Variants in DZIP3 observed in about 807,000 individuals in gnomAD.
The protein encoded by DZIP3 is DAZ interacting zinc finger protein 3.
DZIP3 carries 118 observed loss-of-function variants against 162.0 expected under a neutral mutation model. The ratio of observed to expected loss-of-function variants is 0.73; its 90% CI spans 0.63 to 0.85. DZIP3 has a LOEUF of 0.85. DZIP3 is among the 40% of genes least tolerant of loss of function. DZIP3 has a pLI of 0.00. For synonymous variants in DZIP3, 438 were observed against 458.6 expected, an observed-to-expected ratio of 0.96 and a Z score of 0.57; for missense variants, 1,331 against 1,407.0, an observed-to-expected ratio of 0.95 and a Z score of 0.86.
At chr3:108,648,180 G>A (rs1418680732) in intron 16 of DZIP3, 68 bp downstream of exon 16, 2 of 1,398,042 alleles carry the variant, frequency 1.4e-6, no homozygotes, top group Admixed American at 2.5e-5. Context: ...TGCATGTGCT[G>A]TACTTAAAGC....
chr3:108,592,243 G>A (rs908169840), intron 1 of DZIP3, among the ~76,000 whole-genome samples: 1 of 152,100 alleles, frequency 6.6e-6, no homozygotes, highest in South Asian at 2.1e-4. Context: ...TACAAAATAG[G>A]TGACAAATTC....
intron 19 of DZIP3, among the ~76,000 whole-genome samples, chr3:108,660,995 G>C (rs887473534): frequency 3.3e-5 from 5 of 152,200 alleles, no homozygotes; most frequent in Non-Finnish European, 5.9e-5. Context: ...ACAGGTGCTG[G>C]AGAGGATATG....
chr3:108,643,427 T>A (rs942614036), intron 13 of DZIP3, among the ~76,000 whole-genome samples: 10 of 152,166 alleles, frequency 6.6e-5, no homozygotes, highest in South Asian at 4.1e-4. Context: ...TATACATATA[T>A]TTGAAATATC....
intron 24 of DZIP3, 92 bp from the exon 25 acceptor site, chr3:108,675,694 A>G: frequency 9.3e-7 from 1 of 1,076,820 alleles, no homozygotes; most frequent in South Asian, 1.8e-5. Context: ...TTTTTTGTTG[A>G]CATATATGCT....
upstream of DZIP3, chr3:108,589,609 C>T (rs1015332973): frequency 1.5e-5 from 6 of 393,338 alleles, no homozygotes; most frequent in Non-Finnish European, 2.8e-5. Flanking sequence ...GAGCTGCCCC[C>T]GCTAACCCAC....
Position 108,634,903 on chromosome 3 carries a change from C to A in DZIP3, c.849C>A (p.Cys283Ter). The A allele has an allele frequency of 6.2e-7, 1 of 1,608,224 alleles. No homozygotes were observed. The highest frequency in any genetic ancestry group is 1.1e-5 in the South Asian group (1 of 90,152). ...GFFQLMCSKSCCVYFHKICWK... is the reference protein window; with the variant it reads ...GFFQLMCSKS ...TTCAGTTAATGTGCAGTAAAAGTTG[C>A]TGTGTTTATTTCCATAAAATTTGCT... Residue 283 changes from cysteine to a stop codon, truncating the protein, a stop_gained, in exon 10 of 33, where the codon TGC becomes TGA. Transcript: ENST00000361582. LOFTEE classifies it high-confidence loss of function.
intron 21 of DZIP3, among the ~76,000 whole-genome samples, chr3:108,662,547 G>T (rs2107304128): frequency 6.6e-6 from 1 of 152,274 alleles, no homozygotes; most frequent in South Asian, 2.1e-4. Flanking sequence ...ACTCTAATTT[G>T]TAAAAATGTG....
intron 7 of DZIP3, among the ~76,000 whole-genome samples, chr3:108,626,984 G>A (rs145644337): frequency 5.4e-4 from 82 of 152,296 alleles, no homozygotes; most frequent in African/African-American, 1.8e-3. Flanking sequence ...CTGATTCTTT[G>A]TAAGGTTGAT....
rs1431087158 is a variant in DZIP3, at chr3:108,648,956, TA to T, written c.2006del (p.Lys669ArgfsTer14). 3.4e-6 allele frequency: 4 copies of T among 1,163,130 alleles called. No homozygotes were observed. Among genetic ancestry groups the T allele is most frequent in the Non-Finnish European group, 4.6e-6 (4 of 875,640 alleles). 72.1% of individuals were successfully genotyped at this position (1,163,130 alleles called of 1,614,324 possible). Reference sequence around the variant, plus strand: ...AAAGGAAAAAGAAGAAGACTAAGAATAAAAAGGTAAGAGACTATAATAGCAT... The same window carrying T: ...AAAGGAAAAAGAAGAAGACTAAGAATAAAAGGTAAGAGACTATAATAGCAT... The part of the protein sequence containing the change: ...KQRKKKKTKN[K>X]KNKDSKEDQV... On this transcript the variant is annotated frameshift_variant, in exon 17 of 33. Transcript: ENST00000361582. LOFTEE classifies it high-confidence loss of function.
chr3:108,624,042 G>A (rs1941484891), intron 5 of DZIP3, among the ~76,000 whole-genome samples: 1 of 152,126 alleles, frequency 6.6e-6, no homozygotes, highest in Non-Finnish European at 1.5e-5. Flanking sequence ...ACCCTCTTCA[G>A]TGCCTCTTTC....
intron 31 of DZIP3, among the ~76,000 whole-genome samples, chr3:108,689,487 T>C (rs1944614224): frequency 6.6e-6 from 1 of 152,052 alleles, no homozygotes; most frequent in Non-Finnish European, 1.5e-5. Context: ...ATCGAGACCA[T>C]CCTGGCTAAC....
At chr3:108,679,822 A>C (rs538000131) in intron 26 of DZIP3, among the ~76,000 whole-genome samples, 2 of 152,190 alleles carry the variant, frequency 1.3e-5, no homozygotes, top group East Asian at 3.9e-4. Flanking sequence ...TGTTCTAAGG[A>C]GTGGTCACCA....
chr3:108,616,221 G>A (rs1015959806), intron 4 of DZIP3, among the ~76,000 whole-genome samples: 5 of 151,834 alleles, frequency 3.3e-5, no homozygotes, highest in African/African-American at 1.2e-4. Context: ...CTGAGATTGC[G>A]CCAGTGAACT....
At chr3:108,631,051 ACACACTCT>A (rs1941830188) in intron 8 of DZIP3, among the ~76,000 whole-genome samples, 1 of 42,030 alleles carries the variant, frequency 2.4e-5, no homozygotes, top group African/African-American at 1.1e-4. Flanking sequence ...ACACACACAC[ACACACTCT>A]CTCTCTCTCT....
intron 11 of DZIP3, among the ~76,000 whole-genome samples, chr3:108,637,281 T>C (rs1267931220): frequency 6.6e-6 from 1 of 152,100 alleles, no homozygotes; most frequent in Non-Finnish European, 1.5e-5. Flanking sequence ...AATCCTATAG[T>C]GATATAAAGT....
chr3:108,680,212 G>T (rs1944255711), intron 26 of DZIP3, among the ~76,000 whole-genome samples: 1 of 152,038 alleles, frequency 6.6e-6, no homozygotes, highest in South Asian at 2.1e-4. Context: ...AAAGTTAGAA[G>T]TGTTTCCTCT....
Position 108,675,811 on chromosome 3 carries a change from G to C in DZIP3, c.2719G>C (p.Ala907Pro), listed in dbSNP as rs1332298749. The C allele has an allele frequency of 6.2e-6, 10 of 1,608,832 alleles. No individual in the cohort carries two copies. In the African/African-American group the frequency reaches 1.3e-4, roughly 22 times the overall value. The stretch of plus-strand genomic sequence containing the variant: ...CAACCTAGAATCACTTCAATTAAAG[G>C]CTGCGGTAGACAGTTGGAATGCCAT... Reference protein sequence around the residue: ...ASNLESLQLKAAVDSWNAIVA... With the variant: ...ASNLESLQLKPAVDSWNAIVA... The change falls in exon 25 of 33, where the codon GCT (alanine) becomes CCT (proline). Residue 907 changes from alanine to proline, a missense_variant. Ala to Pro is a conservative substitution (Grantham distance 27, BLOSUM62 -1). Coordinates refer to ENST00000361582, the MANE Select transcript of DZIP3 (RefSeq NM_014648.4).
chr3:108,614,729 T>TG (rs1940909748), intron 4 of DZIP3, among the ~76,000 whole-genome samples: 1 of 152,180 alleles, frequency 6.6e-6, no homozygotes, highest in Admixed American at 6.5e-5. Flanking sequence ...CAGTAGGTCT[T>TG]GGGAGTTATT....
At chr3:108,599,037 A>G (rs1939855123) in intron 1 of DZIP3, among the ~76,000 whole-genome samples, 1 of 152,238 alleles carries the variant, frequency 6.6e-6, no homozygotes. Flanking sequence ...ATAGATCTGA[A>G]CAGAATTTAA....
Sources: gnomAD v4.1 joint callset for allele counts (sites outside exome capture counted in the v4.1 genomes callset) on GRCh38, gnomAD v4.1.1 for gene constraint, MANE v1.5 for transcripts, NCBI Gene and HGNC (gene_info 2026-07-23, HGNC 2026-07-21) for gene names.